The following ROR1 variants were observed in gnomAD, a reference collection of about 807,000 sequenced individuals.
ROR1 encodes inactive tyrosine-protein kinase transmembrane receptor ROR1.
A neutral mutation model predicts 78.8 loss-of-function variants in ROR1; 19 were observed. That is an observed-to-expected ratio of 0.24 (90% CI 0.17 to 0.35). ROR1 has a LOEUF of 0.35. ROR1 is among the 10% of genes least tolerant of loss of function. The pLI is 1.00. For missense variants in ROR1, 917 were observed against 1,177.8 expected (o/e 0.78, Z 3.24); for synonymous variants, 386 against 433.6 (o/e 0.89, Z 1.36).
intron 1 of ROR1, among the ~76,000 whole-genome samples, chr1:63,893,334 A>C (rs894740089): frequency 1.3e-5 from 2 of 152,054 alleles, no homozygotes; most frequent in African/African-American, 2.4e-5. Flanking sequence ...CTCTGCTTAC[A>C]TCATGTGGGA....
At chr1:63,828,916 G>A (rs1402595210) in intron 1 of ROR1, among the ~76,000 whole-genome samples, 1 of 152,160 alleles carries the variant, frequency 6.6e-6, no homozygotes, top group Non-Finnish European at 1.5e-5. Context: ...TCTTTGTTCA[G>A]ATTATACCAT....
At chr1:63,833,990 CTTTTTTTT>C (rs71056008) in intron 1 of ROR1, among the ~76,000 whole-genome samples, 5 of 132,022 alleles carry the variant, frequency 3.8e-5, no homozygotes, top group African/African-American at 1.1e-4. Context: ...TCTTCTTCTT[CTTTTTTTT>C]TTTTTTTTGT....
chr1:64,151,324 G>A (rs1324425011), intron 7 of ROR1, among the ~76,000 whole-genome samples: 1 of 152,186 alleles, frequency 6.6e-6, no homozygotes. Context: ...CAGCAAGGAG[G>A]AAGCCAGAGG....
intron 1 of ROR1, among the ~76,000 whole-genome samples, chr1:63,944,219 G>A (rs960637136): frequency 2.6e-5 from 4 of 152,132 alleles, no homozygotes; most frequent in African/African-American, 9.7e-5. Context: ...CAGGAGATTG[G>A]CTAAACCAAG....
At chr1:64,037,567 G>A (rs184664661) in intron 2 of ROR1, among the ~76,000 whole-genome samples, 13 of 152,252 alleles carry the variant, frequency 8.5e-5, no homozygotes, top group Non-Finnish European at 1.6e-4. Context: ...TAATAAGACC[G>A]TGATGAAAAG....
At chr1:64,009,960 T>C (rs1053826423) in intron 2 of ROR1, among the ~76,000 whole-genome samples, 3 of 152,304 alleles carry the variant, frequency 2.0e-5, no homozygotes, top group Non-Finnish European at 4.4e-5. Context: ...TCAGGACACA[T>C]TCAAAACCTC....
At chr1:64,082,279 G>A (rs150175549) in intron 4 of ROR1, among the ~76,000 whole-genome samples, 22 of 152,266 alleles carry the variant, frequency 1.4e-4, no homozygotes, top group East Asian at 3.9e-4. Context: ...CCATGGTGGC[G>A]TTGGGACATG....
chr1:64,051,465 AATAAAATAAAAT>A (rs1646830223), intron 4 of ROR1, among the ~76,000 whole-genome samples: 1 of 26,392 alleles, frequency 3.8e-5, no homozygotes, highest in Non-Finnish European at 1.9e-4. Flanking sequence ...TAAAAAATAA[AATAAAATAAAAT>A]AAAATAAAAT....
chr1:63,840,216 C>T (rs1358436444), intron 1 of ROR1, among the ~76,000 whole-genome samples: 1 of 151,634 alleles, frequency 6.6e-6, no homozygotes, highest in Non-Finnish European at 1.5e-5. Flanking sequence ...CCTCCCTTTA[C>T]AGTTTTCAGA....
chr1:63,847,266 G>A (rs1645087230), intron 1 of ROR1, among the ~76,000 whole-genome samples: 1 of 152,172 alleles, frequency 6.6e-6, no homozygotes, highest in Non-Finnish European at 1.5e-5. Context: ...TCCCTGTGGT[G>A]GGACAGGAGT....
At chr1:63,874,068 A>G (rs903017383) in intron 1 of ROR1, among the ~76,000 whole-genome samples, 1 of 152,276 alleles carries the variant, frequency 6.6e-6, no homozygotes. Context: ...TTATGTAAAA[A>G]CATTTAAAAA....
At chr1:63,854,916 C>T (rs575747671) in intron 1 of ROR1, among the ~76,000 whole-genome samples, 67 of 152,158 alleles carry the variant, frequency 4.4e-4, no homozygotes, top group African/African-American at 1.6e-3. Context: ...CTCTAGGTTA[C>T]TTATAATACC....
intron 1 of ROR1, among the ~76,000 whole-genome samples, chr1:63,825,202 A>T (rs1240612707): frequency 6.6e-6 from 1 of 152,206 alleles, no homozygotes; most frequent in Non-Finnish European, 1.5e-5. Flanking sequence ...ATGAAAACAC[A>T]TGCCCACACA....
chr1:63,800,618 CAGG>C (rs1269032042), intron 1 of ROR1, among the ~76,000 whole-genome samples: 1 of 152,156 alleles, frequency 6.6e-6, no homozygotes, highest in African/African-American at 2.4e-5. Flanking sequence ...TGCTGCAGGA[CAGG>C]AGGTCTGAGT....
rs1040893168 is a variant in ROR1, at chr1:63,786,359, G to A, written c.91+11851G>A. ...ACAATCTCTGCTCACTGCAAGCTCC[G>A]CCTCCCGGGTTCACGCCATTCTCCT... On this transcript the variant is annotated intron_variant, in intron 1 of 8. Transcript: ENST00000371079. Among the ~76,000 whole-genome samples, 64 of 129,482 alleles carry A rather than the reference G, an allele frequency of 4.9e-4. 1 individual carries two copies. In the Admixed American group the frequency reaches 5.7e-3, roughly 11 times the overall value. The allele number at this position is 129,482 out of a possible 152,430, so 84.9% of individuals were successfully genotyped here.
chr1:64,101,274 G>A (rs994663885), intron 4 of ROR1, among the ~76,000 whole-genome samples: 2 of 152,132 alleles, frequency 1.3e-5, no homozygotes, highest in Non-Finnish European at 1.5e-5. Context: ...ATAGTGCCAC[G>A]GGGTAGGGAA....
chr1:64,014,365 G>C (rs1442722160), intron 2 of ROR1, among the ~76,000 whole-genome samples: 3 of 151,910 alleles, frequency 2.0e-5, no homozygotes, highest in African/African-American at 7.3e-5. Context: ...AAGAGACAAG[G>C]CCACCCTGGA....
At chr1:63,938,961 G>A (rs763721615) in intron 1 of ROR1, among the ~76,000 whole-genome samples, 8 of 152,136 alleles carry the variant, frequency 5.3e-5, no homozygotes, top group South Asian at 2.1e-4. Context: ...TTGTGCCACC[G>A]CACTGCAGCT....
chr1:63,807,002 G>A (rs1480128604), intron 1 of ROR1, among the ~76,000 whole-genome samples: 1 of 152,168 alleles, frequency 6.6e-6, no homozygotes, highest in African/African-American at 2.4e-5. Flanking sequence ...TGTGATCAAG[G>A]TGTTCCTCAG....
Sources: allele counts gnomAD v4.1 joint callset (sites outside exome capture counted in the v4.1 genomes callset), GRCh38; gene constraint gnomAD v4.1.1; transcripts MANE v1.5; gene names NCBI Gene and HGNC (gene_info 2026-07-23, HGNC 2026-07-21).